Variants in SPRED2 observed in about 807,000 individuals in gnomAD.
SPRED2 encodes the protein sprouty related EVH1 domain containing 2, also known as sprouty-related, EVH1 domain-containing protein 2.
Under a neutral mutation model 43.0 loss-of-function variants are expected in SPRED2, and 47 were observed. The ratio of observed to expected loss-of-function variants is 1.09; its 90% CI spans 0.87 to 1.40. The LOEUF (loss-of-function observed/expected upper bound fraction) is 1.40, where lower values mean the gene tolerates loss of function less well. SPRED2 is among the 40% of genes most tolerant of loss of function. The pLI, the probability that SPRED2 is intolerant of heterozygous loss-of-function variation, is 0.00. For synonymous variants in SPRED2, 225 were observed against 225.7 expected (o/e 1.00, Z 0.03); for missense variants, 561 against 586.4 (o/e 0.96, Z 0.45).
chr2:65,327,724 T>C (rs1253532582), intron 4 of SPRED2, among the ~76,000 whole-genome samples: 4 of 132,388 alleles, frequency 3.0e-5, no homozygotes, highest in African/African-American at 5.7e-5. Context: ...TTTTTTTTTT[T>C]TTTTTTTTTT....
intron 4 of SPRED2, among the ~76,000 whole-genome samples, chr2:65,327,569 C>A (rs1673664177): frequency 6.6e-6 from 1 of 152,114 alleles, no homozygotes; most frequent in South Asian, 2.1e-4. Flanking sequence ...GGAGTCCCCA[C>A]CCATCTTCTG....
intron 1 of SPRED2, among the ~76,000 whole-genome samples, chr2:65,405,146 G>C (rs1421806289): frequency 6.6e-6 from 1 of 152,210 alleles, no homozygotes; most frequent in African/African-American, 2.4e-5. Flanking sequence ...CATTTTCCAG[G>C]AGAGAAAATT....
intron 1 of SPRED2, among the ~76,000 whole-genome samples, chr2:65,428,196 G>A (rs746938568): frequency 4.6e-5 from 7 of 152,176 alleles, no homozygotes; most frequent in Non-Finnish European, 1.0e-4. Flanking sequence ...GCCTAGCCCT[G>A]TACTATAAGC....
chr2:65,388,684 G>A (rs1016787969), intron 1 of SPRED2, among the ~76,000 whole-genome samples: 7 of 151,958 alleles, frequency 4.6e-5, no homozygotes, highest in African/African-American at 1.7e-4. Flanking sequence ...GAGGGGGGTG[G>A]TGAAAAGCAA....
chr2:65,362,894 G>T (rs578101669), intron 1 of SPRED2, among the ~76,000 whole-genome samples: 1 of 150,798 alleles, frequency 6.6e-6, no homozygotes, highest in East Asian at 2.0e-4. Context: ...AGAAAAAAAC[G>T]GCTGGGCACG....
At chr2:65,319,395 G>A (rs1673343596) in intron 4 of SPRED2, among the ~76,000 whole-genome samples, 1 of 152,182 alleles carries the variant, frequency 6.6e-6, no homozygotes, top group Non-Finnish European at 1.5e-5. Flanking sequence ...CTTGAATCCT[G>A]GCACGGGTGT....
At position 65,327,949 on chromosome 2, in the gene SPRED2, G is replaced by C. The variant is rs551352017; in HGVS notation, c.438+4038C>G. Reference sequence around the variant, plus strand: ...ATGTTGGCCAGGCTGGTCTTGAATTGCTGACCTCGTGATCCGCCCACCTTG... The same window carrying C: ...ATGTTGGCCAGGCTGGTCTTGAATTCCTGACCTCGTGATCCGCCCACCTTG... On this transcript the variant is annotated intron_variant, in intron 4 of 5. Transcript: ENST00000356388. 5.4e-4 allele frequency among the ~76,000 whole-genome samples: 82 copies of C among 151,836 alleles called. 1 individual carries two copies. Among genetic ancestry groups the C allele is most frequent in the South Asian group, 2.1e-3 (10 of 4,798 alleles).
chr2:65,367,263 G>A (rs535362204), intron 1 of SPRED2, among the ~76,000 whole-genome samples: 1 of 152,232 alleles, frequency 6.6e-6, no homozygotes, highest in South Asian at 2.1e-4. Flanking sequence ...TTTTAGAGAG[G>A]CATGTTGAAG....
intron 1 of SPRED2, among the ~76,000 whole-genome samples, chr2:65,401,939 A>ACG (rs1558685742): frequency 9.6e-4 from 79 of 81,978 alleles, no homozygotes; most frequent in African/African-American, 3.8e-3. Flanking sequence ...GCGCGCGCGC[A>ACG]CACACACACA....
At chr2:65,359,229 G>A (rs1428588468) in intron 1 of SPRED2, among the ~76,000 whole-genome samples, 1 of 152,110 alleles carries the variant, frequency 6.6e-6, no homozygotes, top group Non-Finnish European at 1.5e-5. Context: ...ATTTCCTTCC[G>A]AGTTATAACA....
At chr2:65,315,102 T>C (rs891953060) in intron 5 of SPRED2, among the ~76,000 whole-genome samples, 12 of 146,114 alleles carry the variant, frequency 8.2e-5, no homozygotes, top group Non-Finnish European at 4.4e-5. Context: ...TATTTATTAA[T>C]TACATGCATA....
chr2:65,427,705 GA>G (rs1213196335), intron 1 of SPRED2, among the ~76,000 whole-genome samples: 1 of 152,224 alleles, frequency 6.6e-6, no homozygotes, highest in African/African-American at 2.4e-5. Context: ...AGTGAAGTGA[GA>G]AAAATGATGG....
intron 1 of SPRED2, among the ~76,000 whole-genome samples, chr2:65,349,663 T>C (rs1674452606): frequency 6.6e-6 from 1 of 152,272 alleles, no homozygotes; most frequent in African/African-American, 2.4e-5. Flanking sequence ...TTTGCATTAC[T>C]TATGTTAGTG....
chr2:65,394,414 A>C (rs2103696750), intron 1 of SPRED2, among the ~76,000 whole-genome samples: 1 of 152,322 alleles, frequency 6.6e-6, no homozygotes, highest in Non-Finnish European at 1.5e-5. Flanking sequence ...GACAGGAACA[A>C]GGGCTTAATG....
downstream of SPRED2, chr2:65,308,550 G>T: frequency 1.0e-6 from 1 of 985,390 alleles, no homozygotes; most frequent in Non-Finnish European, 1.2e-6. Flanking sequence ...TTGTTCTCTC[G>T]AGTTCCTGAT....
rs1211466931 is a variant in SPRED2, at chr2:65,413,258, C to G, written c.26+18704G>C. ...CCAGTGGTGCAGGCTCCATTAAGGACAGCATGCATTTTTTCCATGCCAACA... is the reference window on the plus strand; with the variant it reads ...CCAGTGGTGCAGGCTCCATTAAGGAGAGCATGCATTTTTTCCATGCCAACA... On this transcript the variant is annotated intron_variant, in intron 1 of 5. Transcript: ENST00000356388. Among the ~76,000 whole-genome samples the G allele has an allele frequency of 6.6e-5, 10 of 152,338 alleles. 1 individual carries two copies. In the South Asian group the frequency reaches 1.9e-3, roughly 28 times the overall value.
Position 65,313,676 on chromosome 2 carries a change from T to A in SPRED2, c.1082A>T (p.Tyr361Phe), listed in dbSNP as rs773547593. The A allele has an allele frequency of 6.2e-7, 1 of 1,614,174 alleles. No homozygotes were observed. The highest frequency in any genetic ancestry group is 1.1e-5 in the South Asian group (1 of 91,082). ...YHCMSDPEGD[Y>F]TDPCSCDTSD... ...AGTATCGCACGAGCAAGGGTCTGTA[T>A]AGTCTCCCTCGGGGTCCGACATACA... The change falls in exon 6 of 6, where the codon TAT becomes TTT. Residue 361 changes from tyrosine (Y) to phenylalanine (F), a missense_variant. Tyr to Phe is a conservative substitution (Grantham distance 22). Around this residue, in one of 6 missense-constraint regions of SPRED2, gnomAD observed 65 missense variants for 60.2 expected, o/e 1.08. Transcript: ENST00000356388.
chr2:65,389,191 A>C (rs765686413), intron 1 of SPRED2, among the ~76,000 whole-genome samples: 13 of 151,592 alleles, frequency 8.6e-5, no homozygotes, highest in Non-Finnish European at 1.9e-4. Flanking sequence ...TCTCACCCCA[A>C]GAGATGCCTC....
chr2:65,402,817 T>C (rs867026430), intron 1 of SPRED2, among the ~76,000 whole-genome samples: 2 of 152,172 alleles, frequency 1.3e-5, no homozygotes, highest in South Asian at 2.1e-4. Context: ...TTAAAATCAA[T>C]AGGCATGGTA....
Sources: allele counts gnomAD v4.1 joint callset (sites outside exome capture counted in the v4.1 genomes callset), GRCh38; gene constraint gnomAD v4.1.1; regional missense constraint gnomAD v4.1.1; transcripts MANE v1.5; gene names NCBI Gene and HGNC (gene_info 2026-07-23, HGNC 2026-07-21).